THEM4: variants seen among roughly 807,000 people sequenced by gnomAD.
The protein encoded by THEM4 is acyl-coenzyme A thioesterase THEM4.
Under a neutral mutation model 25.0 loss-of-function variants are expected in THEM4, and 22 were observed. The ratio of observed to expected loss-of-function variants is 0.88; its 90% CI spans 0.63 to 1.26. The LOEUF (loss-of-function observed/expected upper bound fraction) is 1.26. Among genes scored for constraint, THEM4 ranks in the 50% most tolerant of loss-of-function variants. The pLI is 0.00. For synonymous variants in THEM4, 113 were observed against 105.6 expected (o/e 1.07, Z -0.43); for missense variants, 286 against 300.3 (o/e 0.95, Z 0.35).
At chr1:151,882,793 T>C (rs1344735329) in intron 4 of THEM4, among the ~76,000 whole-genome samples, 1 of 152,084 alleles carries the variant, frequency 6.6e-6, no homozygotes. Flanking sequence ...TAAATTTCAA[T>C]GGAAGGGGAA....
In THEM4 at chr1:151,909,424, A is replaced by AG; in HGVS notation, c.34dup (p.Leu12ProfsTer28). Reference sequence around the variant, plus strand: ...TACTGGCGGCAGGCACAGAGCCCCCAGCGTGCGGAGGCGCGCGGCGCAGCT... The same window carrying AG: ...TACTGGCGGCAGGCACAGAGCCCCCAGGCGTGCGGAGGCGCGCGGCGCAGCT... On this transcript the variant is annotated frameshift_variant, in exon 1 of 6. Transcript: ENST00000368814. LOFTEE classifies it high-confidence loss of function. The AG allele has an allele frequency of 6.8e-7, 1 of 1,480,822 alleles. No homozygotes were observed. The highest frequency in any genetic ancestry group is 2.3e-4 in the Middle Eastern group (1 of 4,368). 91.7% of individuals were successfully genotyped at this position (1,480,822 alleles called of 1,614,324 possible).
In THEM4 at chr1:151,872,844, G is replaced by C. The variant is rs1558186538; in HGVS notation, c.*2044C>G. ...CCAAGAAAGCCTGGGTATTGTCCAA[G>C]GTTTCCCCCCACTGAGACAGCCTGA... On this transcript the variant is annotated 3_prime_UTR_variant, in exon 6 of 6. Transcript: ENST00000368814. Among the ~76,000 whole-genome samples, 1 of 152,144 alleles carries C rather than the reference G, an allele frequency of 6.6e-6. No individual in the cohort carries two copies. Among genetic ancestry groups the C allele is most frequent in the Non-Finnish European group, 1.5e-5 (1 of 68,028 alleles).
At position 151,902,714 on chromosome 1, in the gene THEM4, C is replaced by T. The variant is rs558124513; in HGVS notation, c.99+6646G>A. 3.9e-4 allele frequency among the ~76,000 whole-genome samples: 59 copies of T among 152,202 alleles called. No individual in the cohort carries two copies. In the South Asian group the frequency reaches 5.8e-3, roughly 15 times the overall value. On this transcript the variant is annotated intron_variant, in intron 1 of 5. Coordinates refer to ENST00000368814, the MANE Select transcript of THEM4 (RefSeq NM_053055.5). ...AAACTAAACTCTATGGAAGCTGAGG[C>T]GTGGTGGCACACCTGCAGTCCCAGA...
intron 1 of THEM4, among the ~76,000 whole-genome samples, chr1:151,908,821 T>C (rs775646333): frequency 1.3e-5 from 2 of 152,226 alleles, no homozygotes; most frequent in Non-Finnish European, 2.9e-5. Context: ...TAAAAGCAGA[T>C]AGATCCCTCT....
rs767124334 is a variant in THEM4, at chr1:151,874,872, G to T, written c.*16C>A. ...TCTGGAGGGGCGAGAATGAGATGGA[G>T]TTCACCAGCAGCTCTTTATGTCAGA... On this transcript the variant is annotated 3_prime_UTR_variant, in exon 6 of 6. Coordinates refer to ENST00000368814, the MANE Select transcript of THEM4 (RefSeq NM_053055.5). The T allele has an allele frequency of 9.3e-6, 15 of 1,612,648 alleles. No individual in the cohort carries two copies. In the South Asian group the frequency reaches 1.5e-4, roughly 17 times the overall value.
chr1:151,877,866 G>A (rs1022286965), intron 4 of THEM4, among the ~76,000 whole-genome samples: 1 of 152,170 alleles, frequency 6.6e-6, no homozygotes, highest in African/African-American at 2.4e-5. Context: ...CTCTTTAAAA[G>A]TGAAATTTCA....
At chr1:151,897,349 C>T (rs935615313) in intron 1 of THEM4, among the ~76,000 whole-genome samples, 2 of 152,156 alleles carry the variant, frequency 1.3e-5, no homozygotes, top group African/African-American at 2.4e-5. Context: ...CCAATGCTGG[C>T]TTGGTGGGAA....
intron 4 of THEM4, among the ~76,000 whole-genome samples, chr1:151,883,736 C>T (rs1475079157): frequency 6.6e-6 from 1 of 150,714 alleles, no homozygotes; most frequent in African/African-American, 2.4e-5. Flanking sequence ...TCAAGCGATT[C>T]TCCTGCCTCA....
intron 5 of THEM4, among the ~76,000 whole-genome samples, chr1:151,875,285 T>C (rs935145092): frequency 2.6e-5 from 4 of 152,226 alleles, no homozygotes; most frequent in Non-Finnish European, 5.9e-5. Flanking sequence ...AGTTCTTAAA[T>C]TGACTGTGGA....
intron 4 of THEM4, 123 bp downstream of exon 4, chr1:151,888,150 C>T (rs1042478837): frequency 3.0e-6 from 2 of 663,048 alleles, no homozygotes; most frequent in African/African-American, 3.7e-5. Flanking sequence ...CACTCCCTTG[C>T]TAGTCTCCTC....
At chr1:151,878,213 C>T (rs922959225) in intron 4 of THEM4, among the ~76,000 whole-genome samples, 6 of 152,152 alleles carry the variant, frequency 3.9e-5, no homozygotes. Flanking sequence ...TACTCATGTA[C>T]CCCTTTTGTC....
In THEM4 at chr1:151,888,371, T is replaced by C. The variant is rs1252045560; in HGVS notation, c.459A>G (p.Gly153=). ...YLEGPPGFIH[G]GAIATMIDAT... is the part of the protein sequence containing the mutation. Reference sequence around the variant, plus strand: ...CATCAATCATGGTTGCAATGGCACCTCCATGAATGAATCTAGTTACAACAG... The same window carrying C: ...CATCAATCATGGTTGCAATGGCACCCCCATGAATGAATCTAGTTACAACAG... Residue 153 remains glycine, a synonymous_variant, in exon 4 of 6, where the codon GGA becomes GGG. Coordinates refer to ENST00000368814, the MANE Select transcript of THEM4 (RefSeq NM_053055.5). 1 of 1,612,068 alleles carries C rather than the reference T, an allele frequency of 6.2e-7. No individual in the cohort carries two copies. The highest frequency in any genetic ancestry group is 8.5e-7 in the Non-Finnish European group (1 of 1,178,706).
At chr1:151,909,143 C>CA (rs1035402863) in intron 1 of THEM4, among the ~76,000 whole-genome samples, 20 of 152,032 alleles carry the variant, frequency 1.3e-4, no homozygotes, top group Non-Finnish European at 5.9e-5. Flanking sequence ...TCTTAAAAAA[C>CA]AAAAAAACGG....
chr1:151,874,969 G>GA (rs1241781991), intron 5 of THEM4, 41 bp from the exon 6 acceptor site: 2 of 1,505,376 alleles, frequency 1.3e-6, no homozygotes, highest in African/African-American at 2.7e-5. Context: ...TATGTCAACT[G>GA]ACTTCAATTT....
At chr1:151,874,982 T>C (rs1653642326) in intron 5 of THEM4, 54 bp from the exon 6 acceptor site, 1 of 1,328,166 alleles carries the variant, frequency 7.5e-7, no homozygotes, top group African/African-American at 1.4e-5. Context: ...TTCAATTTGA[T>C]GGACTACTCT....
intron 2 of THEM4, among the ~76,000 whole-genome samples, chr1:151,892,654 G>GTA (rs1664497774): frequency 6.6e-6 from 1 of 152,144 alleles, no homozygotes; most frequent in Admixed American, 6.6e-5. Context: ...AAATACTAAA[G>GTA]TATCTACCAT....
Position 151,873,395 on chromosome 1 carries a change from T to G in THEM4, c.*1493A>C, listed in dbSNP as rs1371677556. On this transcript the variant is annotated 3_prime_UTR_variant, in exon 6 of 6. Transcript: ENST00000368814. ...GAGCACCGGTCCCCTGGGCCCAGGG[T>G]TCTTTCTTTATACTTTGTCTCTGTG... Among the ~76,000 whole-genome samples the G allele has an allele frequency of 1.3e-5, 2 of 151,964 alleles. No homozygotes were observed. The highest frequency in any genetic ancestry group is 2.9e-5 in the Non-Finnish European group (2 of 68,010).
Position 151,872,648 on chromosome 1 carries a change from T to TA in THEM4, c.*2239dup, listed in dbSNP as rs200741187. Among the ~76,000 whole-genome samples the TA allele has an allele frequency of 6.4e-4, 98 of 152,314 alleles. 2 individuals are homozygous for TA. In the East Asian group the frequency reaches 0.014, roughly 22 times the overall value. On this transcript the variant is annotated 3_prime_UTR_variant, in exon 6 of 6. Coordinates refer to ENST00000368814, the MANE Select transcript of THEM4 (RefSeq NM_053055.5). The stretch of plus-strand genomic sequence containing the variant: ...GTAACTTTAGCCCCAACCCTGTGCT[T>TA]ACAGAAACATGTGCTGTATGGAATC...
Position 151,874,602 on chromosome 1 carries a change from T to A in THEM4, c.*286A>T. On this transcript the variant is annotated 3_prime_UTR_variant, in exon 6 of 6. Transcript: ENST00000368814. Reference sequence around the variant, plus strand: ...GTTGCCCAGACTGATCTTGAACTCCTGAGCTCAGGCAATCCGCCTGCCTCG... The same window carrying A: ...GTTGCCCAGACTGATCTTGAACTCCAGAGCTCAGGCAATCCGCCTGCCTCG... The A allele has an allele frequency of 4.3e-6, 2 of 467,728 alleles. No individual in the cohort carries two copies. Among genetic ancestry groups the A allele is most frequent in the Non-Finnish European group, 7.7e-6 (2 of 261,044 alleles). The allele number at this position is 467,728 out of a possible 1,614,324, so 29.0% of individuals were successfully genotyped here. A position where few individuals can be genotyped will look rare whatever the true frequency, so the allele number is the denominator to read the frequency against.
Sources: gnomAD v4.1 joint callset for allele counts (sites outside exome capture counted in the v4.1 genomes callset) on GRCh38, gnomAD v4.1.1 for gene constraint, MANE v1.5 for transcripts, NCBI Gene and HGNC (gene_info 2026-07-23, HGNC 2026-07-21) for gene names.